Variants in KCNH8 observed in about 807,000 individuals in gnomAD.
KCNH8 encodes voltage-gated delayed rectifier potassium channel KCNH8.
KCNH8 carries 70 observed loss-of-function variants against 103.6 expected under a neutral mutation model. That is an observed-to-expected ratio of 0.68 (90% CI 0.56 to 0.82). The LOEUF (loss-of-function observed/expected upper bound fraction) is 0.82. Ranked by LOEUF, KCNH8 falls within the 40% of genes least tolerant of loss-of-function variation. The pLI, the probability that KCNH8 is intolerant of heterozygous loss-of-function variation, is 0.00. For synonymous variants in KCNH8, 498 were observed against 489.4 expected (o/e 1.02, Z -0.23); for missense variants, 1,217 against 1,329.9 (o/e 0.92, Z 1.32).
rs115666603 is a variant in KCNH8, at chr3:19,497,577, T to G, written c.2041-12786T>G. On this transcript the variant is annotated intron_variant, in intron 11 of 15. Transcript: ENST00000328405. ...GAGAGATTTTCTTAATGTTGATTTC[T>G]GTTTTTATGCACTGTGGTCCAAGAG... Among the ~76,000 whole-genome samples, 519 of 152,336 alleles carry G rather than the reference T, an allele frequency of 3.4e-3. 1 individual carries two copies. The highest frequency in any genetic ancestry group is 5.5e-3 in the Non-Finnish European group (376 of 68,014).
intron 5 of KCNH8, among the ~76,000 whole-genome samples, chr3:19,355,792 T>C (rs1270099997): frequency 6.6e-6 from 1 of 151,964 alleles, no homozygotes; most frequent in East Asian, 1.9e-4. Flanking sequence ...AAATGATGAG[T>C]TAATGGGTGC....
chr3:19,341,971 T>C (rs561655906), intron 3 of KCNH8, among the ~76,000 whole-genome samples: 2 of 152,098 alleles, frequency 1.3e-5, no homozygotes, highest in Admixed American at 6.6e-5. Context: ...CTTTGCAGGA[T>C]TGGCCACACA....
chr3:19,267,224 A>C (rs1575481900), intron 2 of KCNH8, among the ~76,000 whole-genome samples: 1 of 152,078 alleles, frequency 6.6e-6, no homozygotes, highest in Admixed American at 6.6e-5. Context: ...AGGGGAAAGC[A>C]CCTGAGAAGA....
At chr3:19,224,207 G>A (rs2063904912) in intron 1 of KCNH8, among the ~76,000 whole-genome samples, 1 of 151,864 alleles carries the variant, frequency 6.6e-6, no homozygotes, top group Non-Finnish European at 1.5e-5. Context: ...AACATTTCTT[G>A]AACATTAAAT....
chr3:19,438,128 T>C (rs1163513720), intron 7 of KCNH8, 36 bp from the exon 8 acceptor site: 1 of 1,554,318 alleles, frequency 6.4e-7, no homozygotes. Context: ...GACTTTACTT[T>C]TTCTTCTCTC....
chr3:19,457,066 C>A, intron 11 of KCNH8, 84 bp downstream of exon 11: 1 of 863,304 alleles, frequency 1.2e-6, no homozygotes, highest in Non-Finnish European at 1.8e-6. Context: ...GATGTCATGA[C>A]CTCACCTTAA....
intron 7 of KCNH8, among the ~76,000 whole-genome samples, chr3:19,423,584 G>A (rs1176851908): frequency 6.6e-6 from 1 of 151,646 alleles, no homozygotes. Context: ...TTCCATCCAG[G>A]TTGCTGCAAA....
At chr3:19,365,886 A>G (rs1466975451) in intron 5 of KCNH8, among the ~76,000 whole-genome samples, 1 of 152,040 alleles carries the variant, frequency 6.6e-6, no homozygotes, top group African/African-American at 2.4e-5. Context: ...CAGAAGAGAA[A>G]TAAAGAAGCA....
At chr3:19,321,855 G>A (rs1213654449) in intron 3 of KCNH8, among the ~76,000 whole-genome samples, 1 of 151,918 alleles carries the variant, frequency 6.6e-6, no homozygotes, top group Non-Finnish European at 1.5e-5. Context: ...ATAAATTTGG[G>A]AGCTCCAGCG....
chr3:19,278,912 C>T (rs1484925505), intron 2 of KCNH8, among the ~76,000 whole-genome samples: 1 of 152,020 alleles, frequency 6.6e-6, no homozygotes, highest in Non-Finnish European at 1.5e-5. Flanking sequence ...TTGGCTCTTT[C>T]CAAAATATAT....
At chr3:19,439,160 GA>G (rs1363035211) in intron 8 of KCNH8, among the ~76,000 whole-genome samples, 2 of 152,218 alleles carry the variant, frequency 1.3e-5, no homozygotes, top group East Asian at 3.9e-4. Flanking sequence ...ACTTACTTTG[GA>G]AAGCTCAAAA....
chr3:19,231,852 A>G (rs1390731108), intron 1 of KCNH8, among the ~76,000 whole-genome samples: 1 of 152,220 alleles, frequency 6.6e-6, no homozygotes, highest in African/African-American at 2.4e-5. Flanking sequence ...CTTCATTTGC[A>G]AACATTTCTT....
chr3:19,511,888 A>G, intron 12 of KCNH8, among the ~76,000 whole-genome samples: 1 of 152,160 alleles, frequency 6.6e-6, no homozygotes, highest in East Asian at 1.9e-4. Context: ...TAGATCTGTT[A>G]TTATACCTGT....
At chr3:19,271,106 C>G (rs992798051) in intron 2 of KCNH8, among the ~76,000 whole-genome samples, 4 of 152,094 alleles carry the variant, frequency 2.6e-5, no homozygotes, top group African/African-American at 9.7e-5. Context: ...ATCATTCACT[C>G]CTGTGATAAT....
At chr3:19,273,714 G>C (rs906606972) in intron 2 of KCNH8, among the ~76,000 whole-genome samples, 3 of 152,148 alleles carry the variant, frequency 2.0e-5, no homozygotes, top group Non-Finnish European at 4.4e-5. Context: ...ACTACACTTA[G>C]ATACTGTAAT....
chr3:19,431,766 A>G (rs1478912765), intron 7 of KCNH8, among the ~76,000 whole-genome samples: 1 of 151,372 alleles, frequency 6.6e-6, no homozygotes, highest in East Asian at 1.9e-4. Flanking sequence ...CATTTCTTCT[A>G]GATATTCTAG....
rs1426608591 is a variant in KCNH8, at chr3:19,390,361, C to A, written c.812-120C>A. On this transcript the variant is annotated intron_variant, in intron 5 of 15. Coordinates refer to ENST00000328405, the MANE Select transcript of KCNH8 (RefSeq NM_144633.3). The stretch of plus-strand genomic sequence containing the variant: ...TTTCTACGATTTTCTTCCTCCCTTC[C>A]TTCCTGCTTGTTTGCCTGCCTGTCT... 4.1e-6 allele frequency: 3 copies of A among 726,470 alleles called. No individual in the cohort carries two copies. The Admixed American group carries it at 8.3e-5, about 20-fold the overall frequency. 45.0% of individuals were successfully genotyped at this position (726,470 alleles called of 1,614,324 possible).
chr3:19,432,259 C>T (rs993202898), intron 7 of KCNH8, among the ~76,000 whole-genome samples: 1 of 152,074 alleles, frequency 6.6e-6, no homozygotes, highest in African/African-American at 2.4e-5. Context: ...TTTTGCAAAC[C>T]AGGGAAACTT....
At chr3:19,152,546 A>G (rs2063140644) in intron 1 of KCNH8, among the ~76,000 whole-genome samples, 1 of 152,376 alleles carries the variant, frequency 6.6e-6, no homozygotes, top group Admixed American at 6.5e-5. Context: ...GATTCCAATC[A>G]AAGTATTCAA....
Sources: allele counts gnomAD v4.1 joint callset (sites outside exome capture counted in the v4.1 genomes callset), GRCh38; gene constraint gnomAD v4.1.1; transcripts MANE v1.5; gene names NCBI Gene and HGNC (gene_info 2026-07-23, HGNC 2026-07-21).